Variants in PACRG observed in about 807,000 individuals in gnomAD.
PACRG encodes the protein parkin coregulated gene protein.
PACRG carries 29 observed loss-of-function variants against 29.7 expected under a neutral mutation model. The ratio of observed to expected loss-of-function variants is 0.98; its 90% confidence interval spans 0.73 to 1.33. The LOEUF (loss-of-function observed/expected upper bound fraction) is 1.33, where lower values mean the gene tolerates loss of function less well. PACRG is among the 40% of genes most tolerant of loss of function. The pLI is 0.00. For missense variants in PACRG, 279 were observed against 316.2 expected, an observed-to-expected ratio of 0.88 and a Z score of 0.89; for synonymous variants, 116 against 118.7, an observed-to-expected ratio of 0.98 and a Z score of 0.15.
At chr6:162,865,358 G>C (rs1792208315) in intron 2 of PACRG, among the ~76,000 whole-genome samples, 1 of 152,134 alleles carries the variant, frequency 6.6e-6, no homozygotes, top group Non-Finnish European at 1.5e-5. Context: ...TAGTCTTGCT[G>C]TATTACCTGC....
At chr6:162,735,120 C>T (rs999515062) in intron 1 of PACRG, among the ~76,000 whole-genome samples, 1 of 151,980 alleles carries the variant, frequency 6.6e-6, no homozygotes, top group African/African-American at 2.4e-5. Context: ...TTGGATATAC[C>T]ATAATTTATT....
At chr6:163,197,691 C>T (rs1009299587) in intron 4 of PACRG, among the ~76,000 whole-genome samples, 3 of 152,030 alleles carry the variant, frequency 2.0e-5, no homozygotes, top group African/African-American at 2.4e-5. Context: ...CCTCATGATC[C>T]GCCTGCCTCG....
chr6:162,933,719 A>G (rs957089127), intron 2 of PACRG, among the ~76,000 whole-genome samples: 1 of 141,704 alleles, frequency 7.1e-6, no homozygotes, highest in Admixed American at 7.7e-5. Flanking sequence ...GTCTTAGTCC[A>G]TTTAGAGTTG....
intron 4 of PACRG, among the ~76,000 whole-genome samples, chr6:163,146,556 G>A (rs1193865334): frequency 6.6e-6 from 1 of 152,200 alleles, no homozygotes; most frequent in Non-Finnish European, 1.5e-5. Flanking sequence ...GACATTGTAT[G>A]TTGTGTTTTT....
chr6:162,804,334 A>G (rs1786132499), intron 1 of PACRG, among the ~76,000 whole-genome samples: 1 of 152,172 alleles, frequency 6.6e-6, no homozygotes, highest in African/African-American at 2.4e-5. Flanking sequence ...TGCCCCGAAT[A>G]ATCCTTTAGA....
At chr6:163,043,317 T>C (rs1267894135) in intron 2 of PACRG, 8 of 152,220 alleles carry the variant, frequency 5.3e-5, no homozygotes, top group African/African-American at 1.9e-4. Context: ...CATTTTGGGA[T>C]GCTAGTGAGG....
intron 2 of PACRG, among the ~76,000 whole-genome samples, chr6:163,008,689 G>A (rs1805349834): frequency 6.8e-6 from 1 of 147,950 alleles, no homozygotes; most frequent in Non-Finnish European, 1.5e-5. Flanking sequence ...ACCTCACATG[G>A]TAAGAGGACT....
intron 2 of PACRG, among the ~76,000 whole-genome samples, chr6:162,907,655 A>G (rs1345850640): frequency 6.6e-6 from 1 of 152,130 alleles, no homozygotes; most frequent in Non-Finnish European, 1.5e-5. Context: ...CTCTTTCTTA[A>G]GACTCTTAAG....
At chr6:162,885,599 G>A (rs1199159499) in intron 2 of PACRG, among the ~76,000 whole-genome samples, 2 of 152,144 alleles carry the variant, frequency 1.3e-5, no homozygotes, top group Non-Finnish European at 2.9e-5. Flanking sequence ...ACAGAAACAT[G>A]TATAAAACTG....
intron 2 of PACRG, chr6:162,957,481 A>T (rs957137040): frequency 9.0e-6 from 4 of 444,190 alleles, no homozygotes; most frequent in Non-Finnish European, 1.7e-5. Context: ...CCTTCTTGGG[A>T]TAAAGGTAGT....
intron 4 of PACRG, among the ~76,000 whole-genome samples, chr6:163,115,344 A>C (rs964371053): frequency 6.6e-6 from 1 of 152,154 alleles, no homozygotes; most frequent in Non-Finnish European, 1.5e-5. Context: ...TGGAAAAAGC[A>C]GAGAGCTACT....
At chr6:162,891,559 A>G (rs1794761075) in intron 2 of PACRG, among the ~76,000 whole-genome samples, 1 of 152,110 alleles carries the variant, frequency 6.6e-6, no homozygotes, top group Admixed American at 6.5e-5. Context: ...CTGATTCTCC[A>G]CCCAGTGGGC....
At chr6:163,278,313 G>T (rs1283059926) in intron 4 of PACRG, among the ~76,000 whole-genome samples, 1 of 152,090 alleles carries the variant, frequency 6.6e-6, no homozygotes, top group Non-Finnish European at 1.5e-5. Flanking sequence ...TGGTTCTTTT[G>T]CTGTGCAGAA....
intron 1 of PACRG, among the ~76,000 whole-genome samples, chr6:162,808,962 AT>A (rs1334255429): frequency 6.6e-6 from 1 of 152,086 alleles, no homozygotes; most frequent in Non-Finnish European, 1.5e-5. Context: ...AACCATCTGC[AT>A]GGTTTCCAAT....
At chr6:163,277,516 C>CACACACAT (rs1554239317) in intron 4 of PACRG, among the ~76,000 whole-genome samples, 1 of 135,656 alleles carries the variant, frequency 7.4e-6, no homozygotes, top group Non-Finnish European at 1.6e-5. Context: ...CACACACACA[C>CACACACAT]ATATACACAT....
intron 2 of PACRG, among the ~76,000 whole-genome samples, chr6:162,883,263 A>C (rs1162292694): frequency 6.6e-6 from 1 of 152,150 alleles, no homozygotes; most frequent in East Asian, 1.9e-4. Flanking sequence ...GGCACATGAA[A>C]TATCCAGGAA....
At chr6:163,306,014 T>G (rs1359341375) in intron 4 of PACRG, among the ~76,000 whole-genome samples, 1 of 152,228 alleles carries the variant, frequency 6.6e-6, no homozygotes, top group South Asian at 2.1e-4. Context: ...AGCAGATTCT[T>G]ACTTTGATTT....
intron 4 of PACRG, among the ~76,000 whole-genome samples, chr6:163,173,616 C>T (rs1315730894): frequency 6.6e-6 from 1 of 152,184 alleles, no homozygotes; most frequent in Non-Finnish European, 1.5e-5. Context: ...TCCGCTCTCC[C>T]CCGCAAGTGG....
At chr6:163,072,761 G>T (rs1246229829) in intron 3 of PACRG, among the ~76,000 whole-genome samples, 1 of 152,072 alleles carries the variant, frequency 6.6e-6, no homozygotes, top group Non-Finnish European at 1.5e-5. Context: ...TCGTAAAGTA[G>T]CAGGATACGA....
Sources: gnomAD v4.1 joint callset for allele counts (sites outside exome capture counted in the v4.1 genomes callset) on GRCh38, gnomAD v4.1.1 for gene constraint, MANE v1.5 for transcripts, NCBI Gene and HGNC (gene_info 2026-07-23, HGNC 2026-07-21) for gene names.